FOXN1: variants seen among roughly 807,000 people sequenced by gnomAD.
FOXN1 encodes forkhead box N1, also known as forkhead box protein N1.
A neutral mutation model predicts 49.0 loss-of-function variants in FOXN1; 15 were observed. The ratio of observed to expected loss-of-function variants is 0.31; its 90% CI spans 0.20 to 0.47. FOXN1 has a LOEUF of 0.47. Among genes scored for constraint, FOXN1 ranks in the 20% least tolerant of loss-of-function variants. FOXN1 has a pLI of 1.00. For missense variants in FOXN1, 800 were observed against 842.8 expected, an observed-to-expected ratio of 0.95 and a Z score of 0.63; for synonymous variants, 356 against 369.0, an observed-to-expected ratio of 0.96 and a Z score of 0.40.
intron 2 of FOXN1, 59 bp downstream of exon 2, chr17:28,524,151 A>C (rs908075901): frequency 3.4e-5 from 51 of 1,521,794 alleles, no homozygotes; most frequent in Non-Finnish European, 4.5e-5. Flanking sequence ...CCCAGGCAAC[A>C]AGAAGACCAG....
rs757771641 is a variant in FOXN1 at position 28,524,542 on chromosome 17, G to C, written c.163G>C (p.Gly55Arg). The change falls in exon 3 of 9, where the codon GGC becomes CGC. Residue 55 changes from glycine (G) to arginine (R), a missense_variant. Transcript: ENST00000579795. ...CAGCTGCTCGTCATTTGTGTCCGAC[G>C]GCCCTCCAGAGAGGACACCCTCACT... ...GFSCSSFVSD[G>R]PPERTPSLPP... is the part of the protein sequence containing the mutation. 2 of 1,613,668 alleles carry C rather than the reference G, an allele frequency of 1.2e-6. No homozygotes were observed. The highest frequency in any genetic ancestry group is 1.1e-5 in the South Asian group (1 of 91,084).
intron 1 of FOXN1, among the ~76,000 whole-genome samples, chr17:28,520,378 A>T (rs756978322): frequency 6.6e-6 from 1 of 152,130 alleles, no homozygotes; most frequent in Admixed American, 6.5e-5. Context: ...AAGTCACTTT[A>T]CCTGTTCCCT....
At position 28,506,450 on chromosome 17, in the gene FOXN1, G is replaced by A. The variant is rs1163747787; in HGVS notation, c.-15+7G>A. On this transcript the variant is annotated splice_region_variant and intron_variant, in intron 1 of 8. Coordinates refer to ENST00000579795, the MANE Select transcript of FOXN1 (RefSeq NM_001369369.1). ...GACCTGCTTCACTGAGCAGGTAAGA[G>A]GAGCCCCGGCCCAAGTCAGCCGTGG... The A allele has an allele frequency of 6.6e-6, 1 of 152,312 alleles. No individual in the cohort carries two copies. The highest frequency in any genetic ancestry group is 1.5e-5 in the Non-Finnish European group (1 of 68,086). The allele number at this position is 152,312 out of a possible 1,614,324, so 9.4% of individuals were successfully genotyped here. A position where few individuals can be genotyped will look rare whatever the true frequency, so the allele number is the denominator to read the frequency against.
chr17:28,514,317 G>A (rs1436142012), intron 1 of FOXN1, among the ~76,000 whole-genome samples: 2 of 152,232 alleles, frequency 1.3e-5, no homozygotes, highest in South Asian at 4.1e-4. Flanking sequence ...TCCCCTCCCT[G>A]CCCATTCTGT....
chr17:28,512,121 C>G (rs1027410582), intron 1 of FOXN1, among the ~76,000 whole-genome samples: 1 of 152,224 alleles, frequency 6.6e-6, no homozygotes, highest in African/African-American at 2.4e-5. Context: ...ATTTCTCCAT[C>G]CCCTTCAGCC....
intron 1 of FOXN1, among the ~76,000 whole-genome samples, chr17:28,506,958 G>T (rs1371823093): frequency 6.6e-6 from 1 of 152,222 alleles, no homozygotes; most frequent in Non-Finnish European, 1.5e-5. Flanking sequence ...AGATGCCTGG[G>T]CCCATGCAGA....
Position 28,527,271 on chromosome 17 carries a change from G to GC in FOXN1, c.614dup (p.Val206SerfsTer80), listed in dbSNP as rs749372001. The GC allele has an allele frequency of 6.2e-7, 1 of 1,613,338 alleles. No homozygotes were observed. Among genetic ancestry groups the GC allele is most frequent in the African/African-American group, 1.3e-5 (1 of 74,908 alleles). ...AGCAGGGTTCAGAGGTCAAAGTCAAGCCCCCAGTTCTGGAGAGTGGTGCTG... is the reference window on the plus strand; with the variant it reads ...AGCAGGGTTCAGAGGTCAAAGTCAAGCCCCCCAGTTCTGGAGAGTGGTGCTG... On this transcript the variant is annotated frameshift_variant, in exon 4 of 9. Transcript: ENST00000579795. LOFTEE classifies it high-confidence loss of function.
chr17:28,522,615 C>G (rs1430470790), intron 1 of FOXN1, among the ~76,000 whole-genome samples: 1 of 151,764 alleles, frequency 6.6e-6, no homozygotes, highest in Non-Finnish European at 1.5e-5. Context: ...CCACCGCACT[C>G]CAGCCTAGGC....
At chr17:28,510,771 C>T (rs1555606899) in intron 1 of FOXN1, among the ~76,000 whole-genome samples, 1 of 152,216 alleles carries the variant, frequency 6.6e-6, no homozygotes. Context: ...GCACCAAGAG[C>T]ATGTGGCTTC....
At position 28,524,233 on chromosome 17, in the gene FOXN1, C is replaced by T. The variant is rs554573058; in HGVS notation, c.123+141C>T. The T allele has an allele frequency of 8.6e-4, 750 of 876,166 alleles. 3 individuals carry two copies. The highest frequency in any genetic ancestry group is 3.7e-4 in the Non-Finnish European group (210 of 573,980). The allele number at this position is 876,166 out of a possible 1,614,324, so 54.3% of individuals were successfully genotyped here. A position where few individuals can be genotyped will look rare whatever the true frequency, so the allele number is the denominator to read the frequency against. ...CCACCAGCAAACAAGTCCTCAGGGA[C>T]CCCGAGATCCAGAGGGGTCACTCCT... On this transcript the variant is annotated intron_variant, in intron 2 of 8. Transcript: ENST00000579795.
Position 28,528,971 on chromosome 17 carries a change from C to T in FOXN1, c.700-123C>T. On this transcript the variant is annotated intron_variant, in intron 4 of 8. Coordinates refer to ENST00000579795, the MANE Select transcript of FOXN1 (RefSeq NM_001369369.1). Reference sequence around the variant, plus strand: ...GCTCTGCTTTGGGGGTGATGGGGCCCATGACCCAGGAGGGAAGAATCTGGC... The same window carrying T: ...GCTCTGCTTTGGGGGTGATGGGGCCTATGACCCAGGAGGGAAGAATCTGGC... The T allele has an allele frequency of 2.3e-6, 3 of 1,302,694 alleles. No individual in the cohort carries two copies. The South Asian group carries it at 3.6e-5, about 16-fold the overall frequency. The allele number at this position is 1,302,694 out of a possible 1,614,324, so 80.7% of individuals were successfully genotyped here.
At chr17:28,516,883 C>T (rs1456405637) in intron 1 of FOXN1, among the ~76,000 whole-genome samples, 1 of 50,532 alleles carries the variant, frequency 2.0e-5, no homozygotes, top group Non-Finnish European at 5.6e-5. Context: ...GTACACACCT[C>T]CACAGGATCC....
In FOXN1 at chr17:28,534,325, C is replaced by T. The variant is rs200401045; in HGVS notation, c.928-6C>T. 58 of 1,614,090 alleles carry T rather than the reference C, an allele frequency of 3.6e-5. 1 individual carries two copies. The highest frequency in any genetic ancestry group is 2.6e-4 in the South Asian group (24 of 91,076). On this transcript the variant is annotated splice_region_variant and splice_polypyrimidine_tract_variant and intron_variant, in intron 6 of 8. Coordinates refer to ENST00000579795, the MANE Select transcript of FOXN1 (RefSeq NM_001369369.1). This position sits in a 1 kb window ranked among gnomAD's most constrained non-coding sequence, Gnocchi z 4.1. The stretch of plus-strand genomic sequence containing the variant: ...CCTGAATGCTTGTCTTGCTCTGTTC[C>T]GGCAGACAGCACCCGATGGCTGGAA...
At chr17:28,516,279 T>C (rs1222602747) in intron 1 of FOXN1, among the ~76,000 whole-genome samples, 3 of 150,560 alleles carry the variant, frequency 2.0e-5, no homozygotes, top group Non-Finnish European at 4.4e-5. Context: ...CTCCACAGGG[T>C]ACACACCTCT....
chr17:28,527,143 C>T, intron 3 of FOXN1, 108 bp from the exon 4 acceptor site: 1 of 758,048 alleles, frequency 1.3e-6, no homozygotes, highest in Non-Finnish European at 2.4e-6. Flanking sequence ...CAGGAATAAG[C>T]TTTGGGGGAA....
intron 1 of FOXN1, among the ~76,000 whole-genome samples, chr17:28,520,159 C>T (rs1444504627): frequency 1.3e-5 from 2 of 152,190 alleles, no homozygotes; most frequent in East Asian, 1.9e-4. Flanking sequence ...ACAGTTCCTG[C>T]GATTCAAATC....
intron 3 of FOXN1, among the ~76,000 whole-genome samples, 182 bp downstream of exon 3, chr17:28,525,149 G>T (rs1399015988): frequency 1.3e-5 from 2 of 152,266 alleles, no homozygotes; most frequent in East Asian, 1.9e-4. Context: ...CAGCATGGAG[G>T]GGGGCAAGTG....
rs763185782 is a variant in FOXN1 at position 28,529,238 on chromosome 17, T to C, written c.830+14T>C. On this transcript the variant is annotated intron_variant, in intron 5 of 8. Transcript: ENST00000579795. ...CTATTCCTACAGGTACATTTCCCAC[T>C]CTCCAGGGATGGGAGGAGGAGGGGA... The C allele has an allele frequency of 2.5e-5, 41 of 1,613,488 alleles. No homozygotes were observed. Among genetic ancestry groups the C allele is most frequent in the Non-Finnish European group, 3.4e-5 (40 of 1,179,774 alleles).
In FOXN1 at chr17:28,535,009, G is replaced by A. The variant is rs1198301349; in HGVS notation, c.1438G>A (p.Glu480Lys). 1.9e-6 allele frequency: 3 copies of A among 1,613,808 alleles called. No homozygotes were observed. Among genetic ancestry groups the A allele is most frequent in the Admixed American group, 3.3e-5 (2 of 60,022 alleles). ...PLFPQPDGHL[E>K]LRAQPGTPQD... ...GTTCCCACAGCCGGACGGGCACCTT[G>A]AGCTGCGGGCCCAGCCAGGCACCCC... The change falls in exon 8 of 9, where the codon GAG (glutamate) becomes AAG (lysine). Residue 480 changes from glutamate to lysine, a missense_variant. Coordinates refer to ENST00000579795, the MANE Select transcript of FOXN1 (RefSeq NM_001369369.1).
Sources: gnomAD v4.1 joint callset for allele counts (sites outside exome capture counted in the v4.1 genomes callset) on GRCh38, gnomAD v4.1.1 for gene constraint, Gnocchi (gnomAD v3.1) non-coding constraint, MANE v1.5 for transcripts, NCBI Gene and HGNC (gene_info 2026-07-23, HGNC 2026-07-21) for gene names.